The following EDA variants were observed in gnomAD, a reference collection of about 807,000 sequenced individuals.
The protein encoded by EDA is ectodysplasin A, also known as ectodysplasin-A.
EDA carries 2 observed loss-of-function variants against 23.6 expected under a neutral mutation model. That is an observed-to-expected ratio of 0.08 (90% confidence interval 0.03 to 0.27). EDA has a LOEUF of 0.27. Among genes scored for constraint, EDA ranks in the 10% least tolerant of loss-of-function variants. The probability of loss-of-function intolerance (pLI) is 1.00; values close to 1 mark genes in which losing one functional copy is unlikely to be tolerated. For missense variants in EDA, 229 were observed against 324.2 expected (o/e 0.71, Z 2.26); for synonymous variants, 131 against 132.0 (o/e 0.99, Z 0.05).
intron 2 of EDA, among the ~76,000 whole-genome samples, chrX:70,020,879 T>C (rs2020024166): frequency 8.9e-6 from 1 of 112,324 alleles, no homozygotes. Flanking sequence ...AGAAGACTTC[T>C]AGATGTGCAT....
chrX:69,678,201 A>G (rs1330752486), intron 1 of EDA, among the ~76,000 whole-genome samples: 1 of 110,488 alleles, frequency 9.1e-6, no homozygotes, highest in Non-Finnish European at 1.9e-5. Flanking sequence ...TGGTACCAGT[A>G]CCATGCTGTT....
intron 1 of EDA, among the ~76,000 whole-genome samples, chrX:69,688,130 G>C (rs1460449973): frequency 8.9e-6 from 1 of 111,777 alleles, no homozygotes; most frequent in African/African-American, 3.3e-5. Context: ...TAATTTTCTT[G>C]AGGGATTTGG....
Position 70,039,234 on chromosome X carries a change from ACT to A in EDA, c.*3631_*3632del, listed in dbSNP as rs2020301379. 1 of 110,319 alleles carries A rather than the reference ACT, an allele frequency of 9.1e-6. No homozygotes were observed. Among genetic ancestry groups the A allele is most frequent in the Admixed American group, 9.7e-5 (1 of 10,320 alleles). The allele number at this position is 110,319 out of a possible 1,213,427, so 9.1% of individuals were successfully genotyped here. A position where few individuals can be genotyped will look rare whatever the true frequency, so the allele number is the denominator to read the frequency against. On this transcript the variant is annotated 3_prime_UTR_variant, in exon 8 of 8. Coordinates refer to ENST00000374552, the MANE Select transcript of EDA (RefSeq NM_001399.5). ...TTTTTGTCTTTTAATCCATTTCAGG[ACT>A]CTCTCCAGGAGGGCTCGGGGTGTGT... is the stretch of plus-strand genomic sequence containing the variant.
At chrX:69,656,292 A>G (rs112732837) in intron 1 of EDA, among the ~76,000 whole-genome samples, 1,772 of 111,448 alleles carry the variant, frequency 0.016, 44 homozygotes, top group African/African-American at 0.055. Context: ...TACTACTGCC[A>G]GCACTCTAAG....
intron 1 of EDA, among the ~76,000 whole-genome samples, chrX:69,711,803 G>A (rs1312926380): frequency 9.0e-6 from 1 of 111,685 alleles, no homozygotes; most frequent in Non-Finnish European, 1.9e-5. Flanking sequence ...AGTATTCTCT[G>A]ATGGTAGTTT....
At chrX:69,833,318 G>A (rs1207980488) in intron 1 of EDA, among the ~76,000 whole-genome samples, 2 of 111,549 alleles carry the variant, frequency 1.8e-5, no homozygotes, top group African/African-American at 3.3e-5. Flanking sequence ...TTTTGTTGTT[G>A]TTGGTTCTGT....
In EDA at chrX:69,616,697, G is replaced by T. The variant is rs1174555439; in HGVS notation, c.389G>T (p.Gly130Val). The change falls in exon 1 of 8, where the codon GGG (glycine) becomes GTG (valine). Residue 130 changes from glycine to valine, a missense_variant. Physicochemically the swap from Gly to Val is moderately radical, Grantham distance 109 (BLOSUM62 -3). This residue lies in a region of EDA where 175 missense variants were observed against 281.8 expected (regional missense o/e 0.62). Coordinates refer to ENST00000374552, the MANE Select transcript of EDA (RefSeq NM_001399.5). ...GCACTCCACTCTGACTCCCAGGACG[G>T]GCACCAGGTGAGTCACCTAGTAGGG... ...EAALHSDSQDGHQMALLNFFF... is the reference protein window; with the variant it reads ...EAALHSDSQDVHQMALLNFFF... The T allele has an allele frequency of 8.3e-7, 1 of 1,209,883 alleles. No individual in the cohort carries two copies. The highest frequency in any genetic ancestry group is 1.7e-5 in the African/African-American group (1 of 57,181).
At chrX:69,974,767 A>C (rs2019293735) in intron 2 of EDA, among the ~76,000 whole-genome samples, 1 of 107,649 alleles carries the variant, frequency 9.3e-6, no homozygotes, top group Non-Finnish European at 1.9e-5. Flanking sequence ...GAAATTGAAC[A>C]AGCAGAAAAC....
At chrX:69,645,929 G>T (rs1224867807) in intron 1 of EDA, among the ~76,000 whole-genome samples, 1 of 110,209 alleles carries the variant, frequency 9.1e-6, no homozygotes, top group Non-Finnish European at 1.9e-5. Context: ...CTTGATTTCT[G>T]CCTTAATTTC....
intron 2 of EDA, among the ~76,000 whole-genome samples, chrX:69,987,527 A>T (rs971559960): frequency 5.5e-4 from 60 of 109,238 alleles, no homozygotes; most frequent in African/African-American, 2.0e-3. Context: ...CCTCTCACAT[A>T]TCCCAGACAG....
chrX:69,883,410 C>G (rs1453138108), intron 1 of EDA, among the ~76,000 whole-genome samples: 1 of 112,177 alleles, frequency 8.9e-6, no homozygotes, highest in Non-Finnish European at 1.9e-5. Context: ...GCCACCATTA[C>G]CACCATTGAC....
chrX:69,682,522 C>T (rs374396099), intron 1 of EDA, among the ~76,000 whole-genome samples: 15 of 112,264 alleles, frequency 1.3e-4, no homozygotes, highest in East Asian at 5.6e-4. Flanking sequence ...ATAATCTCCT[C>T]GTGCGCCGTT....
intron 1 of EDA, among the ~76,000 whole-genome samples, chrX:69,911,143 C>A (rs1334350965): frequency 8.9e-6 from 1 of 111,753 alleles, no homozygotes; most frequent in Non-Finnish European, 1.9e-5. Context: ...AAATTATAAA[C>A]CCTCTCTCCC....
chrX:69,632,195 C>CA (rs1287480859), intron 1 of EDA, among the ~76,000 whole-genome samples: 2 of 111,600 alleles, frequency 1.8e-5, no homozygotes, highest in Non-Finnish European at 3.8e-5. Flanking sequence ...TCAAGTCCTT[C>CA]TACTTACTAC....
At chrX:69,829,140 C>T (rs765821946) in intron 1 of EDA, among the ~76,000 whole-genome samples, 6 of 112,415 alleles carry the variant, frequency 5.3e-5, no homozygotes, top group Non-Finnish European at 7.5e-5. Context: ...CTCACTTAGA[C>T]GTAAGCCCCA....
chrX:70,014,303 C>T (rs1456512666), intron 2 of EDA, among the ~76,000 whole-genome samples: 1 of 113,074 alleles, frequency 8.8e-6, no homozygotes, highest in African/African-American at 3.2e-5. Context: ...TGGATCACAG[C>T]TCAAATTTCA....
intron 1 of EDA, among the ~76,000 whole-genome samples, chrX:69,740,954 GTTA>G (rs2013439244): frequency 9.2e-6 from 1 of 108,356 alleles, no homozygotes; most frequent in East Asian, 2.9e-4. Flanking sequence ...TTTCATTTTA[GTTA>G]TTATACTTTT....
intron 1 of EDA, among the ~76,000 whole-genome samples, chrX:69,901,843 C>A (rs1451955781): frequency 9.0e-6 from 1 of 111,614 alleles, no homozygotes; most frequent in Non-Finnish European, 1.9e-5. Context: ...GAAACCCCAG[C>A]ACCTTTTTAA....
At chrX:69,857,789 T>C (rs1056069359) in intron 1 of EDA, among the ~76,000 whole-genome samples, 1 of 111,437 alleles carries the variant, frequency 9.0e-6, no homozygotes. Context: ...GGTCTTGTTA[T>C]GGGAATTGCA....
Sources: gnomAD v4.1 joint callset for allele counts (sites outside exome capture counted in the v4.1 genomes callset) on GRCh38, gnomAD v4.1.1 for gene constraint, gnomAD v4.1.1 regional missense constraint, MANE v1.5 for transcripts, NCBI Gene and HGNC (gene_info 2026-07-23, HGNC 2026-07-21) for gene names.